Variants in THSD7A observed in about 807,000 individuals in gnomAD.
THSD7A encodes thrombospondin type-1 domain-containing protein 7A.
THSD7A carries 96 observed loss-of-function variants against 231.3 expected under a neutral mutation model. The ratio of observed to expected loss-of-function variants is 0.41; its 90% CI spans 0.35 to 0.49. The LOEUF is 0.49. Among genes scored for constraint, THSD7A ranks in the 20% least tolerant of loss-of-function variants. THSD7A has a pLI of 0.05. For synonymous variants in THSD7A, 940 were observed against 743.3 expected (o/e 1.26, Z -4.30); for missense variants, 2,290 against 2,070.2 (o/e 1.11, Z -2.06).
At chr7:11,751,756 TA>T (rs796807730) in intron 1 of THSD7A, among the ~76,000 whole-genome samples, 17 of 147,288 alleles carry the variant, frequency 1.2e-4, no homozygotes, top group South Asian at 8.6e-4. Flanking sequence ...TTGCACCGTT[TA>T]AAAAAAAAAA....
chr7:11,684,551 A>G (rs1340688557), intron 1 of THSD7A, among the ~76,000 whole-genome samples: 1 of 152,002 alleles, frequency 6.6e-6, no homozygotes, highest in East Asian at 1.9e-4. Flanking sequence ...AGGATACAAA[A>G]TCAATGTACA....
At chr7:11,514,004 C>G (rs969382646) in intron 6 of THSD7A, among the ~76,000 whole-genome samples, 1 of 151,878 alleles carries the variant, frequency 6.6e-6, no homozygotes, top group Non-Finnish European at 1.5e-5. Context: ...CCTGCCATTT[C>G]TCAAACATGC....
intron 2 of THSD7A, among the ~76,000 whole-genome samples, chr7:11,609,815 G>A (rs1306885336): frequency 1.3e-5 from 2 of 152,056 alleles, no homozygotes; most frequent in Admixed American, 6.6e-5. Context: ...TGAATCAAAT[G>A]TTATGCTGCT....
intron 1 of THSD7A, among the ~76,000 whole-genome samples, chr7:11,759,828 G>C (rs1782798537): frequency 6.6e-6 from 1 of 151,990 alleles, no homozygotes; most frequent in South Asian, 2.1e-4. Context: ...TCAACAAATT[G>C]AGATAGTTTA....
chr7:11,571,979 T>G (rs1036067825), intron 4 of THSD7A, among the ~76,000 whole-genome samples: 6 of 152,194 alleles, frequency 3.9e-5, no homozygotes, highest in South Asian at 2.1e-4. Flanking sequence ...TTGGCCATTA[T>G]TTCTTCAAAT....
chr7:11,407,031 A>G lies in THSD7A; in HGVS notation c.3941T>C (p.Val1314Ala), dbSNP rs61996269. The change falls in exon 21 of 28, where the codon GTG becomes GCG. Residue 1314 changes from valine (V) to alanine (A), a missense_variant. Physicochemically the swap from Val to Ala is moderately conservative, Grantham distance 64. Coordinates refer to ENST00000423059, the MANE Select transcript of THSD7A (RefSeq NM_015204.3). ...TCCATCACCTTGAAAGGGCTGGGTC[A>G]CTGTTCGTCTTCGGATCATTTTTCC... ...LTGKMIRRRT[V>A]TQPFQGDGRP... 1.2e-3 allele frequency: 2,010 copies of G among 1,613,834 alleles called. 3 individuals carry two copies. The highest frequency in any genetic ancestry group is 1.5e-3 in the Non-Finnish European group (1,764 of 1,179,846).
rs760546084 is a variant in THSD7A at position 11,636,756 on chromosome 7, A to G, written c.396T>C (p.Cys132=). ...CTAGGCTTTTTGAAATCACGGGCTGACACTGATTCCAAGGTCCCAGTCTCC... is the reference window on the plus strand; with the variant it reads ...CTAGGCTTTTTGAAATCACGGGCTGGCACTGATTCCAAGGTCCCAGTCTCC... ...YDWRLGPWNQ[C]QPVISKSLEK... The change falls in exon 2 of 28, where the codon TGT becomes TGC. Residue 132 remains cysteine (C), a synonymous_variant. Transcript: ENST00000423059. The surrounding 1 kb of genome is among the most constrained non-coding windows in gnomAD (Gnocchi z 10.0). 2.5e-6 allele frequency: 4 copies of G among 1,613,990 alleles called. No homozygotes were observed. The highest frequency in any genetic ancestry group is 1.6e-4 in the Middle Eastern group (1 of 6,062).
chr7:11,705,555 C>T (rs1326633142), intron 1 of THSD7A, among the ~76,000 whole-genome samples: 1 of 150,890 alleles, frequency 6.6e-6, no homozygotes, highest in Non-Finnish European at 1.5e-5. Context: ...CATTTCACAC[C>T]TGCCACACAA....
Position 11,372,937 on chromosome 7 carries a change from C to CTCTT in THSD7A, c.*2853_*2856dup, listed in dbSNP as rs1382338679. On this transcript the variant is annotated 3_prime_UTR_variant, in exon 28 of 28. Transcript: ENST00000423059. ...AAAATAGCCAGATTGCTACGTTCTCCTCTTTCCACCTTTCTAACGAGGTTA... is the reference window on the plus strand; with the variant it reads ...AAAATAGCCAGATTGCTACGTTCTCCTCTTTCTTTCCACCTTTCTAACGAGGTTA... 1 of 151,898 alleles carries CTCTT rather than the reference C, an allele frequency of 6.6e-6. No individual in the cohort carries two copies. Among genetic ancestry groups the CTCTT allele is most frequent in the Non-Finnish European group, 1.5e-5 (1 of 67,924 alleles). The allele number at this position is 151,898 out of a possible 1,614,324, so 9.4% of individuals were successfully genotyped here. A position where few individuals can be genotyped will look rare whatever the true frequency, so the allele number is the denominator to read the frequency against.
At chr7:11,722,317 T>C (rs1353238201) in intron 1 of THSD7A, among the ~76,000 whole-genome samples, 1 of 151,956 alleles carries the variant, frequency 6.6e-6, no homozygotes, top group African/African-American at 2.4e-5. Context: ...TGCTAAGATG[T>C]AGGTGCAGTT....
At chr7:11,717,364 C>T (rs558321801) in intron 1 of THSD7A, among the ~76,000 whole-genome samples, 3 of 151,758 alleles carry the variant, frequency 2.0e-5, no homozygotes, top group African/African-American at 4.8e-5. Context: ...TGTTACAGCA[C>T]ATTTTGTTTC....
chr7:11,434,620 T>C (rs985621621), intron 13 of THSD7A, among the ~76,000 whole-genome samples: 1 of 152,158 alleles, frequency 6.6e-6, no homozygotes, highest in African/African-American at 2.4e-5. Context: ...GCATTCTCTC[T>C]GAAACATCTG....
rs373782622 is a variant in THSD7A at position 11,636,621 on chromosome 7, A to T, written c.531T>A (p.Phe177Leu). ...CCTGCTCCAGGAGAGGCTTGGGCTCAAAGTACTCACAGATGATATCCTCCG... is the reference window on the plus strand; with the variant it reads ...CCTGCTCCAGGAGAGGCTTGGGCTCTAAGTACTCACAGATGATATCCTCCG... ...IPAEDIICEY[F>L]EPKPLLEQAC... Residue 177 changes from phenylalanine (F) to leucine (L), a missense_variant, in exon 2 of 28, where the codon TTT (phenylalanine) becomes TTA (leucine). By Grantham distance (22) the Phe-to-Leu change is conservative. Transcript: ENST00000423059. The surrounding 1 kb of genome is among the most constrained non-coding windows in gnomAD (Gnocchi z 10.0). 4.3e-6 allele frequency: 7 copies of T among 1,614,008 alleles called. No homozygotes were observed.
At chr7:11,799,330 G>C (rs1256266742) in intron 1 of THSD7A, among the ~76,000 whole-genome samples, 2 of 152,080 alleles carry the variant, frequency 1.3e-5, no homozygotes, top group African/African-American at 4.8e-5. Flanking sequence ...TCTTCCAGTG[G>C]AGAAACTTCT....
chr7:11,388,578 T>A (rs1218676995), intron 23 of THSD7A, among the ~76,000 whole-genome samples: 1 of 152,204 alleles, frequency 6.6e-6, no homozygotes, highest in Non-Finnish European at 1.5e-5. Context: ...GATTGTTCTC[T>A]CTTTTCTTCT....
At chr7:11,828,442 G>T (rs917765661) in intron 1 of THSD7A, among the ~76,000 whole-genome samples, 1 of 151,932 alleles carries the variant, frequency 6.6e-6, no homozygotes, top group Non-Finnish European at 1.5e-5. Context: ...TTATCTTTGC[G>T]ACCCTTCACA....
At chr7:11,619,405 T>G (rs1427612522) in intron 2 of THSD7A, among the ~76,000 whole-genome samples, 1 of 147,974 alleles carries the variant, frequency 6.8e-6, no homozygotes, top group Non-Finnish European at 1.5e-5. Flanking sequence ...TACTGTACTT[T>G]TTTTTTTTTT....
At chr7:11,492,424 G>A (rs924908595) in intron 6 of THSD7A, among the ~76,000 whole-genome samples, 1 of 151,870 alleles carries the variant, frequency 6.6e-6, no homozygotes, top group Non-Finnish European at 1.5e-5. Context: ...AAGTCTACTG[G>A]GTAATGGGGA....
chr7:11,627,924 G>A (rs915891527), intron 2 of THSD7A, among the ~76,000 whole-genome samples: 2 of 151,882 alleles, frequency 1.3e-5, no homozygotes, highest in Non-Finnish European at 2.9e-5. Context: ...ATAAAATACT[G>A]TATATAAAAT....
Sources: allele counts gnomAD v4.1 joint callset (sites outside exome capture counted in the v4.1 genomes callset), GRCh38; gene constraint gnomAD v4.1.1; non-coding constraint Gnocchi (gnomAD v3.1); transcripts MANE v1.5; gene names NCBI Gene and HGNC (gene_info 2026-07-23, HGNC 2026-07-21).